Variants in SLC5A10 observed in about 807,000 individuals in gnomAD.
SLC5A10 encodes the protein solute carrier family 5 member 10.
A neutral mutation model predicts 68.9 loss-of-function variants in SLC5A10; 55 were observed. That is an observed-to-expected ratio of 0.80 (90% confidence interval 0.64 to 1.00). The LOEUF is 1.00. Ranked by LOEUF, SLC5A10 falls within the 50% of genes least tolerant of loss-of-function variation. The pLI, the probability that SLC5A10 is intolerant of heterozygous loss-of-function variation, is 0.00. For synonymous variants in SLC5A10, 344 were observed against 344.8 expected, an observed-to-expected ratio of 1.00 and a Z score of 0.02; for missense variants, 732 against 819.3, an observed-to-expected ratio of 0.89 and a Z score of 1.30.
At chr17:18,995,339 G>T (rs1216815052) in intron 9 of SLC5A10, among the ~76,000 whole-genome samples, 1 of 152,134 alleles carries the variant, frequency 6.6e-6, no homozygotes, top group Non-Finnish European at 1.5e-5. Flanking sequence ...CAACATTTAA[G>T]ACGAAAAATA....
In SLC5A10 at chr17:19,000,439, C is replaced by T. The variant is rs1213995277; in HGVS notation, c.983-12971C>T. 6.6e-6 allele frequency among the ~76,000 whole-genome samples: 1 copy of T among 152,154 alleles called. No homozygotes were observed. The highest frequency in any genetic ancestry group is 1.5e-5 in the Non-Finnish European group (1 of 68,006). ...GTCCCACAGTCAGGCAGAGGCAGAG[C>T]ACGGACTCTTGGCTCCTGGTCCTGC... On this transcript the variant is annotated intron_variant, in intron 9 of 14. Coordinates refer to ENST00000395645, the MANE Select transcript of SLC5A10 (RefSeq NM_001042450.4). This position sits in a 1 kb window ranked among gnomAD's most constrained non-coding sequence, Gnocchi z 5.2.
rs774942622 is a variant in SLC5A10, at chr17:18,952,247, G to A, written c.42G>A (p.Thr14=). The A allele has an allele frequency of 3.7e-6, 6 of 1,613,786 alleles. No individual in the cohort carries two copies. Among genetic ancestry groups the A allele is most frequent in the South Asian group, 1.1e-5 (1 of 91,008 alleles). The change falls in exon 1 of 15, where the codon ACG becomes ACA. Residue 14 remains threonine, a synonymous_variant. Transcript: ENST00000395645. ...NSTSDLHTPG[T]QLSVADIIVI... ...CCAGCGACCTCCACACTCCCGGGAC[G>A]CAGCTGAGCGTGGCTGACATCATCG...
intron 1 of SLC5A10, among the ~76,000 whole-genome samples, chr17:18,957,368 A>T (rs537604128): frequency 6.6e-6 from 1 of 152,358 alleles, no homozygotes; most frequent in South Asian, 2.1e-4. Flanking sequence ...GGCATGTGGG[A>T]ATACGTAGGT....
At chr17:18,993,433 AAGAGGGG>A (rs552846508) in intron 9 of SLC5A10, among the ~76,000 whole-genome samples, 73 of 152,302 alleles carry the variant, frequency 4.8e-4, no homozygotes, top group Middle Eastern at 3.4e-3. Flanking sequence ...AGACTCGGGT[AAGAGGGG>A]ACAGTTTCCA....
intron 9 of SLC5A10, among the ~76,000 whole-genome samples, chr17:18,986,617 C>A (rs955672859): frequency 6.6e-6 from 1 of 152,256 alleles, no homozygotes; most frequent in Non-Finnish European, 1.5e-5. Flanking sequence ...ACTCTGCAAG[C>A]AGCGGAGCAG....
chr17:18,979,296 G>A (rs1477619053), intron 9 of SLC5A10: 3 of 536,854 alleles, frequency 5.6e-6, no homozygotes, highest in South Asian at 2.3e-5. Context: ...ATAGGCTTGC[G>A]AAGGCACGGC....
At chr17:18,957,611 G>A (rs887108833) in intron 1 of SLC5A10, among the ~76,000 whole-genome samples, 2 of 151,988 alleles carry the variant, frequency 1.3e-5, no homozygotes, top group Non-Finnish European at 2.9e-5. Flanking sequence ...GACTACAGGC[G>A]CCTGCCACCA....
rs905239005 is a variant in SLC5A10 at position 18,967,147 on chromosome 17, CG to C, written c.454-1900del. ...CTAAGTGATGTCTGAATTCCTCACC[CG>C]GGGGCTGCTCGGGAGTTGCAGGCAA... is the stretch of plus-strand genomic sequence containing the variant. On this transcript the variant is annotated intron_variant, in intron 5 of 14. Coordinates refer to ENST00000395645, the MANE Select transcript of SLC5A10 (RefSeq NM_001042450.4). Among the ~76,000 whole-genome samples the C allele has an allele frequency of 9.2e-5, 14 of 152,262 alleles. 1 individual carries two copies. Among genetic ancestry groups the C allele is most frequent in the African/African-American group, 3.4e-4 (14 of 41,542 alleles).
rs141318077 is a variant in SLC5A10, at chr17:19,006,377, C to G, written c.983-7033C>G. ...CTGGGACCAGAGACACCATGCCCAG[C>G]TAATTTTTTTTCTTTTTTCTTTTTT... is the stretch of plus-strand genomic sequence containing the variant. On this transcript the variant is annotated intron_variant, in intron 9 of 14. Coordinates refer to ENST00000395645, the MANE Select transcript of SLC5A10 (RefSeq NM_001042450.4). 3.9e-3 allele frequency among the ~76,000 whole-genome samples: 589 copies of G among 150,564 alleles called. 3 individuals are homozygous for G. Among genetic ancestry groups the G allele is most frequent in the African/African-American group, 0.013 (555 of 41,208 alleles).
intron 9 of SLC5A10, among the ~76,000 whole-genome samples, chr17:19,008,866 G>A (rs1456770930): frequency 6.7e-6 from 1 of 150,044 alleles, no homozygotes; most frequent in African/African-American, 2.5e-5. Context: ...AGGCTGGAGT[G>A]CAATGGCCTG....
intron 5 of SLC5A10, among the ~76,000 whole-genome samples, chr17:18,965,436 A>G (rs560626452): frequency 1.3e-5 from 2 of 152,350 alleles, no homozygotes; most frequent in South Asian, 2.1e-4. Context: ...GATGGGAGAT[A>G]TAAGTTCCAT....
In SLC5A10 at chr17:18,959,200, C is replaced by A. The variant is rs370923912; in HGVS notation, c.249C>A (p.Gly83=). ...SGLFIGLAGS[G]AAGGLAVAGF... The stretch of plus-strand genomic sequence containing the variant: ...TCTTCATTGGACTGGCGGGCTCAGG[C>A]GCGGCAGGAGGTCTGGCCGTGGCAG... The change falls in exon 3 of 15, where the codon GGC becomes GGA. Residue 83 remains glycine (G), a synonymous_variant. Transcript: ENST00000395645. The A allele has an allele frequency of 8.1e-6, 13 of 1,613,026 alleles. No individual in the cohort carries two copies. Among genetic ancestry groups the A allele is most frequent in the Non-Finnish European group, 1.1e-5 (13 of 1,179,920 alleles).
chr17:18,952,473 T>G, intron 1 of SLC5A10, 157 bp downstream of exon 1: 1 of 849,090 alleles, frequency 1.2e-6, no homozygotes, highest in East Asian at 2.8e-5. Flanking sequence ...GTAGACTTGC[T>G]TGGAGACCTT....
At position 18,977,958 on chromosome 17, in the gene SLC5A10, C is replaced by T. The variant is rs377259741; in HGVS notation, c.982+969C>T. ...CCATCCAGCCCATTGGGGAGCCCCA[C>T]CCCGAGGCTCTCGGGGTCATCCTGG... On this transcript the variant is annotated intron_variant, in intron 9 of 14. Transcript: ENST00000395645. The T allele has an allele frequency of 9.8e-5, 156 of 1,599,426 alleles. 1 individual carries two copies. The highest frequency in any genetic ancestry group is 5.0e-4 in the Middle Eastern group (3 of 6,038).
At chr17:18,977,520 C>G in intron 9 of SLC5A10, 22 of 1,490,476 alleles carry the variant, frequency 1.5e-5, no homozygotes, top group Non-Finnish European at 2.0e-5. Context: ...GACAACAGCT[C>G]GAGCTCTTGG....
At chr17:18,952,390 C>CATGT in intron 1 of SLC5A10, 74 bp downstream of exon 1, 1 of 1,522,216 alleles carries the variant, frequency 6.6e-7, no homozygotes, top group Non-Finnish European at 8.9e-7. Flanking sequence ...CGGGGTCCAG[C>CATGT]ATGTCCCTGT....
chr17:18,978,232 T>G (rs984855961), intron 9 of SLC5A10: 1 of 1,587,620 alleles, frequency 6.3e-7, no homozygotes, highest in African/African-American at 1.3e-5. Flanking sequence ...CACTGGGCTC[T>G]GGGGGAGGGC....
At chr17:18,955,011 G>A (rs894636353) in intron 1 of SLC5A10, among the ~76,000 whole-genome samples, 10 of 150,180 alleles carry the variant, frequency 6.7e-5, no homozygotes, top group South Asian at 2.1e-4. Context: ...GCTTGAAACC[G>A]GAAGGCGGAG....
intron 9 of SLC5A10, chr17:18,978,499 G>T (rs776255462): frequency 6.2e-7 from 1 of 1,612,942 alleles, no homozygotes; most frequent in Non-Finnish European, 8.5e-7. Flanking sequence ...GCAGCAGCTC[G>T]GGGAGTTCCC....
Sources: allele counts gnomAD v4.1 joint callset (sites outside exome capture counted in the v4.1 genomes callset), GRCh38; gene constraint gnomAD v4.1.1; non-coding constraint Gnocchi (gnomAD v3.1); transcripts MANE v1.5; gene names NCBI Gene and HGNC (gene_info 2026-07-23, HGNC 2026-07-21).